Variants in MYO10 observed in about 807,000 individuals in gnomAD.
MYO10 encodes the protein unconventional myosin-X.
A neutral mutation model predicts 257.3 loss-of-function variants in MYO10; 133 were observed. That is an observed-to-expected ratio of 0.52 (90% CI 0.45 to 0.60). The LOEUF (loss-of-function observed/expected upper bound fraction) is 0.60, where lower values mean the gene tolerates loss of function less well. Among genes scored for constraint, MYO10 ranks in the 20% least tolerant of loss-of-function variants. MYO10 has a pLI of 0.00. For synonymous variants in MYO10, 1,104 were observed against 1,028.6 expected (o/e 1.07, Z -1.40); for missense variants, 2,399 against 2,635.7 (o/e 0.91, Z 1.97).
intron 2 of MYO10, among the ~76,000 whole-genome samples, chr5:16,835,319 G>C (rs1369960759): frequency 6.6e-6 from 1 of 151,848 alleles, no homozygotes; most frequent in Non-Finnish European, 1.5e-5. Context: ...GATCACCTGA[G>C]GTCAGGAGTT....
At chr5:16,795,533 A>G (rs451009) in intron 3 of MYO10, among the ~76,000 whole-genome samples, 84,962 of 151,572 alleles carry the variant, frequency 0.56, 23,732 homozygotes, top group South Asian at 0.65. Context: ...CCCAGGAGCC[A>G]GAGGTTGCAG....
intron 19 of MYO10, among the ~76,000 whole-genome samples, chr5:16,729,800 C>T (rs1464921447): frequency 6.6e-6 from 1 of 152,232 alleles, no homozygotes; most frequent in Non-Finnish European, 1.5e-5. Flanking sequence ...AGAACTCCAA[C>T]TGTACCCCAG....
chr5:16,729,936 G>C (rs1739517985), intron 19 of MYO10, among the ~76,000 whole-genome samples: 1 of 152,062 alleles, frequency 6.6e-6, no homozygotes, highest in Non-Finnish European at 1.5e-5. Context: ...AACTACTGAG[G>C]GGCTCCTGGG....
intron 2 of MYO10, among the ~76,000 whole-genome samples, chr5:16,843,982 AC>A (rs1743557987): frequency 6.6e-6 from 1 of 152,196 alleles, no homozygotes; most frequent in Non-Finnish European, 1.5e-5. Flanking sequence ...ATTTCTCCCA[AC>A]AAGCACAAAG....
intron 1 of MYO10, among the ~76,000 whole-genome samples, chr5:16,927,001 T>C (rs1746150332): frequency 6.6e-6 from 1 of 152,242 alleles, no homozygotes; most frequent in African/African-American, 2.4e-5. Flanking sequence ...TGTTTGTTGA[T>C]TCTGCCCTAA....
At chr5:16,757,375 T>C in intron 18 of MYO10, among the ~76,000 whole-genome samples, 1 of 146,668 alleles carries the variant, frequency 6.8e-6, no homozygotes, top group Non-Finnish European at 1.5e-5. Context: ...AGAGAAGTCC[T>C]GGCAAACCGA....
chr5:16,756,907 C>T (rs1232373847), intron 18 of MYO10, among the ~76,000 whole-genome samples: 2 of 151,854 alleles, frequency 1.3e-5, no homozygotes, highest in Non-Finnish European at 2.9e-5. Flanking sequence ...TTGAGATCAG[C>T]CTGGGCAACA....
chr5:16,761,916 G>A (rs1358187576), intron 16 of MYO10, 129 bp downstream of exon 16: 11 of 973,462 alleles, frequency 1.1e-5, no homozygotes, highest in Non-Finnish European at 1.6e-5. Context: ...GCCTCCCAAA[G>A]TACTGGGACT....
Position 16,758,105 on chromosome 5 carries a change from A to G in MYO10, c.1848+13T>C, listed in dbSNP as rs1261384648. 2 of 1,563,366 alleles carry G rather than the reference A, an allele frequency of 1.3e-6. No homozygotes were observed. Among genetic ancestry groups the G allele is most frequent in the Admixed American group, 1.7e-5 (1 of 59,942 alleles). ...TAACGACGGATTCCTCTAAGCCAGC[A>G]GTGAAAACGAACCTTGAACTGTGAG... On this transcript the variant is annotated intron_variant, in intron 18 of 40. Transcript: ENST00000513610.
At chr5:16,765,712 G>A (rs7705482) in intron 11 of MYO10, among the ~76,000 whole-genome samples, 114,542 of 152,086 alleles carry the variant, frequency 0.75, 43,782 homozygotes, top group Non-Finnish European at 0.83. Flanking sequence ...TCTTATAAGA[G>A]TCCTATGAAT....
At chr5:16,688,021 G>A (rs1454939292) in intron 28 of MYO10, among the ~76,000 whole-genome samples, 2 of 152,168 alleles carry the variant, frequency 1.3e-5, no homozygotes, top group Non-Finnish European at 1.5e-5. Flanking sequence ...AGGAGAAAAA[G>A]TCCTTGGCTA....
chr5:16,717,199 C>A (rs558793283), intron 19 of MYO10, among the ~76,000 whole-genome samples: 3 of 152,160 alleles, frequency 2.0e-5, no homozygotes, highest in Non-Finnish European at 4.4e-5. Context: ...AAGAGCTTTG[C>A]GTTCCTGAAA....
At chr5:16,753,995 A>G in intron 19 of MYO10, among the ~76,000 whole-genome samples, 1 of 152,342 alleles carries the variant, frequency 6.6e-6, no homozygotes, top group East Asian at 1.9e-4. Context: ...TAAAATTACA[A>G]TTAAATTTTA....
At chr5:16,910,206 T>C (rs1745623774) in intron 1 of MYO10, among the ~76,000 whole-genome samples, 1 of 152,340 alleles carries the variant, frequency 6.6e-6, no homozygotes, top group South Asian at 2.1e-4. Context: ...TACTGAATTG[T>C]ACATTTAGAA....
chr5:16,887,652 G>A (rs1338791810), intron 1 of MYO10, among the ~76,000 whole-genome samples: 2 of 152,036 alleles, frequency 1.3e-5, no homozygotes, highest in African/African-American at 4.8e-5. Flanking sequence ...CACCACACTG[G>A]GCTAATTTTT....
rs188768053 is a variant in MYO10, at chr5:16,707,913, G to A, written c.2169+2995C>T. 2.8e-3 allele frequency among the ~76,000 whole-genome samples: 425 copies of A among 152,280 alleles called. 2 individuals carry two copies. Among genetic ancestry groups the A allele is most frequent in the African/African-American group, 9.0e-3 (372 of 41,552 alleles). ...GAGCCATGTCTAATTCGCTGCCTTCGACACTGGCTAAACTTGCCTGTTGTG... is the reference window on the plus strand; with the variant it reads ...GAGCCATGTCTAATTCGCTGCCTTCAACACTGGCTAAACTTGCCTGTTGTG... On this transcript the variant is annotated intron_variant, in intron 21 of 40. Coordinates refer to ENST00000513610, the MANE Select transcript of MYO10 (RefSeq NM_012334.3).
chr5:16,665,441 A>AAAAT lies in MYO10; in HGVS notation c.*1247_*1250dup, dbSNP rs1409565782. On this transcript the variant is annotated 3_prime_UTR_variant, in exon 41 of 41. Transcript: ENST00000513610. Reference sequence around the variant, plus strand: ...CAAGTCCTTAAAACTTTTCCATATAAAAATAAAAAGTCCAAGACCAGATTA... The same window carrying AAAAT: ...CAAGTCCTTAAAACTTTTCCATATAAAAATAAATAAAAAGTCCAAGACCAGATTA... 11 of 152,182 alleles carry AAAAT rather than the reference A, an allele frequency of 7.2e-5. No individual in the cohort carries two copies. Among genetic ancestry groups the AAAAT allele is most frequent in the Admixed American group, 5.9e-4 (9 of 15,276 alleles). 9.4% of individuals were successfully genotyped at this position (152,182 alleles called of 1,614,324 possible). A position where few individuals can be genotyped will look rare whatever the true frequency, so the allele number is the denominator to read the frequency against.
At chr5:16,779,770 A>ATTAT in intron 8 of MYO10, 122 bp from the exon 9 acceptor site, 1 of 547,250 alleles carries the variant, frequency 1.8e-6, no homozygotes, top group Non-Finnish European at 3.2e-6. Context: ...TCCCATAAAG[A>ATTAT]TAATAAAGTT....
intron 1 of MYO10, among the ~76,000 whole-genome samples, chr5:16,897,104 G>GTA (rs1561046190): frequency 3.9e-5 from 6 of 152,100 alleles, no homozygotes; most frequent in African/African-American, 1.4e-4. Flanking sequence ...ACAAAATGCT[G>GTA]GTATATACAC....
Sources: allele counts gnomAD v4.1 joint callset (sites outside exome capture counted in the v4.1 genomes callset), GRCh38; gene constraint gnomAD v4.1.1; transcripts MANE v1.5; gene names NCBI Gene and HGNC (gene_info 2026-07-23, HGNC 2026-07-21).